The following TEX11 variants were observed in gnomAD, a reference collection of about 807,000 sequenced individuals.
TEX11 encodes the protein testis-expressed protein 11.
A neutral mutation model predicts 84.4 loss-of-function variants in TEX11; 7 were observed. The ratio of observed to expected loss-of-function variants is 0.08; its 90% CI spans 0.05 to 0.16. The LOEUF is 0.16. Among genes scored for constraint, TEX11 ranks in the 10% least tolerant of loss-of-function variants. TEX11 has a pLI of 1.00. For synonymous variants in TEX11, 264 were observed against 222.8 expected (o/e 1.18, Z -1.64); for missense variants, 551 against 660.5 (o/e 0.83, Z 1.82).
intron 20 of TEX11, among the ~76,000 whole-genome samples, chrX:70,622,266 A>G (rs1364748543): frequency 8.9e-6 from 1 of 112,548 alleles, no homozygotes; most frequent in African/African-American, 3.2e-5. Context: ...AGTCTAATCT[A>G]TTTGTTAAAT....
chrX:70,848,329 C>T (rs372137879), intron 7 of TEX11, among the ~76,000 whole-genome samples: 33 of 112,327 alleles, frequency 2.9e-4, no homozygotes, highest in African/African-American at 8.7e-4. Flanking sequence ...GTTCCTTAAA[C>T]GTGGCATGCA....
At chrX:70,800,430 T>C (rs1264940161) in intron 9 of TEX11, among the ~76,000 whole-genome samples, 1 of 111,838 alleles carries the variant, frequency 8.9e-6, no homozygotes, top group Non-Finnish European at 1.9e-5. Context: ...ATAAAGGATT[T>C]TTTTACATTA....
intron 2 of TEX11, among the ~76,000 whole-genome samples, chrX:70,898,147 G>A (rs2147887464): frequency 9.0e-6 from 1 of 111,470 alleles, no homozygotes; most frequent in Admixed American, 9.6e-5. Flanking sequence ...ACTACCAAAG[G>A]TAATTACATT....
At chrX:70,723,806 C>A (rs1482731167) in intron 12 of TEX11, among the ~76,000 whole-genome samples, 1 of 106,554 alleles carries the variant, frequency 9.4e-6, no homozygotes, top group Non-Finnish European at 2.0e-5. Context: ...AATATCAGTG[C>A]AATAATGCCA....
At chrX:70,642,017 G>T (rs748918906) in intron 17 of TEX11, among the ~76,000 whole-genome samples, 8 of 109,506 alleles carry the variant, frequency 7.3e-5, no homozygotes, top group African/African-American at 2.7e-4. Context: ...TTGATAGACC[G>T]CTAGCAAGAC....
intron 13 of TEX11, among the ~76,000 whole-genome samples, chrX:70,712,218 A>T (rs1232468527): frequency 2.7e-5 from 3 of 111,225 alleles, no homozygotes; most frequent in Non-Finnish European, 3.8e-5. Context: ...TGAAGTCAGG[A>T]AGAGTGATGC....
At chrX:70,907,614 G>C (rs979380472) in intron 2 of TEX11, 139 bp downstream of exon 2, 2 of 443,312 alleles carry the variant, frequency 4.5e-6, no homozygotes, top group Non-Finnish European at 8.1e-6. Context: ...GGCTGGTCTC[G>C]AGCCCCTGAC....
intron 9 of TEX11, among the ~76,000 whole-genome samples, chrX:70,790,285 A>G (rs2091110062): frequency 4.5e-5 from 5 of 111,832 alleles, no homozygotes; most frequent in Admixed American, 3.8e-4. Context: ...GAAAACACTG[A>G]AAGTCAACAG....
chrX:70,753,753 G>A (rs2090846852), intron 9 of TEX11, among the ~76,000 whole-genome samples: 1 of 110,340 alleles, frequency 9.1e-6, no homozygotes, highest in African/African-American at 3.3e-5. Flanking sequence ...TCGAATACCA[G>A]CTCAACCACA....
At chrX:70,739,537 G>T (rs902871490) in intron 11 of TEX11, among the ~76,000 whole-genome samples, 1 of 107,144 alleles carries the variant, frequency 9.3e-6, no homozygotes, top group Admixed American at 1.0e-4. Context: ...TCAGCCTCCC[G>T]AGTAGCTGGG....
intron 15 of TEX11, among the ~76,000 whole-genome samples, chrX:70,677,131 T>A (rs2070466755): frequency 8.9e-6 from 1 of 112,270 alleles, no homozygotes; most frequent in South Asian, 3.7e-4. Context: ...GTAAACTTTA[T>A]CCTGTTGGGT....
chrX:70,525,776 A>C (rs1368313839), downstream of TEX11, among the ~76,000 whole-genome samples: 1 of 112,250 alleles, frequency 8.9e-6, no homozygotes, highest in Non-Finnish European at 1.9e-5. Flanking sequence ...GCATAGAATA[A>C]GAGAACCTGG....
chrX:70,672,499 C>T (rs1427838434), intron 15 of TEX11, among the ~76,000 whole-genome samples: 1 of 111,983 alleles, frequency 8.9e-6, no homozygotes, highest in Non-Finnish European at 1.9e-5. Flanking sequence ...TCAACATCTT[C>T]GTCAGCATTT....
At chrX:70,750,312 T>G (rs1349215428) in intron 9 of TEX11, among the ~76,000 whole-genome samples, 1 of 111,599 alleles carries the variant, frequency 9.0e-6, no homozygotes, top group Non-Finnish European at 1.9e-5. Context: ...GGAACGCTTC[T>G]ACACTGTTGG....
intron 4 of TEX11, among the ~76,000 whole-genome samples, chrX:70,868,261 A>T (rs372307478): frequency 8.8e-4 from 99 of 112,305 alleles, no homozygotes; most frequent in African/African-American, 3.0e-3. Flanking sequence ...TTGAGGCCAA[A>T]AAAACATATT....
chrX:70,885,180 G>A (rs1472758032), intron 2 of TEX11, among the ~76,000 whole-genome samples: 1 of 111,217 alleles, frequency 9.0e-6, no homozygotes, highest in Non-Finnish European at 1.9e-5. Context: ...AATTGGGGGG[G>A]CCCTTCTCCT....
intron 4 of TEX11, among the ~76,000 whole-genome samples, chrX:70,871,951 A>G (rs1229859724): frequency 9.6e-6 from 1 of 103,798 alleles, no homozygotes; most frequent in East Asian, 3.0e-4. Context: ...TAACCCCATC[A>G]ACACTGTGTG....
intron 13 of TEX11, among the ~76,000 whole-genome samples, chrX:70,717,512 G>A (rs754700015): frequency 1.4e-4 from 15 of 110,964 alleles, no homozygotes; most frequent in Admixed American, 8.7e-4. Flanking sequence ...AGAGACAGGG[G>A]TTTGCCATGT....
chrX:70,903,494 C>A (rs938329259), intron 2 of TEX11, among the ~76,000 whole-genome samples: 3 of 110,676 alleles, frequency 2.7e-5, no homozygotes, highest in African/African-American at 9.9e-5. Flanking sequence ...ATATGCTGTC[C>A]TTTATTGACT....
Sources: gnomAD v4.1 joint callset for allele counts (sites outside exome capture counted in the v4.1 genomes callset) on GRCh38, gnomAD v4.1.1 for gene constraint, MANE v1.5 for transcripts, NCBI Gene and HGNC (gene_info 2026-07-23, HGNC 2026-07-21) for gene names.